Variants in TSHZ2 observed in about 807,000 individuals in gnomAD.
TSHZ2 encodes the protein teashirt zinc finger homeobox 2.
In TSHZ2, 21 loss-of-function variants were observed where a neutral mutation model predicts 74.4. The ratio of observed to expected loss-of-function variants is 0.28; its 90% CI spans 0.20 to 0.41. The LOEUF (loss-of-function observed/expected upper bound fraction) is 0.41. Ranked by LOEUF, TSHZ2 falls within the 10% of genes least tolerant of loss-of-function variation. The pLI is 1.00. For synonymous variants in TSHZ2, 540 were observed against 515.3 expected (o/e 1.05, Z -0.65); for missense variants, 1,244 against 1,293.5 (o/e 0.96, Z 0.59).
intron 2 of TSHZ2, among the ~76,000 whole-genome samples, chr20:53,426,919 C>T (rs1024452884): frequency 1.3e-5 from 2 of 152,162 alleles, no homozygotes; most frequent in South Asian, 2.1e-4. Context: ...TTTATAAGAG[C>T]CCTGTGATAC....
chr20:53,420,444 A>G (rs2145715180), intron 2 of TSHZ2, among the ~76,000 whole-genome samples: 1 of 152,320 alleles, frequency 6.6e-6, no homozygotes, highest in Admixed American at 6.5e-5. Flanking sequence ...ATTGAAAAAA[A>G]GTGGGCCAGG....
At chr20:53,174,384 G>T (rs1988274410) in intron 1 of TSHZ2, among the ~76,000 whole-genome samples, 3 of 152,134 alleles carry the variant, frequency 2.0e-5, no homozygotes, top group Admixed American at 2.0e-4. Context: ...TGAGACCTGG[G>T]GACTCAACCA....
At chr20:53,109,018 G>T (rs1397738618) in intron 1 of TSHZ2, among the ~76,000 whole-genome samples, 1 of 151,956 alleles carries the variant, frequency 6.6e-6, no homozygotes, top group African/African-American at 2.4e-5. Context: ...TTTTCAGCTG[G>T]AGGTATTCCA....
chr20:53,118,168 C>T (rs6126760), intron 1 of TSHZ2, among the ~76,000 whole-genome samples: 22,516 of 152,140 alleles, frequency 0.15, 3,702 homozygotes, highest in African/African-American at 0.41. Context: ...TGCTGGCTTA[C>T]GCTATATGGG....
At chr20:53,237,580 GAT>G (rs1989970772) in intron 1 of TSHZ2, among the ~76,000 whole-genome samples, 1 of 151,992 alleles carries the variant, frequency 6.6e-6, no homozygotes, top group South Asian at 2.1e-4. Flanking sequence ...GACAAAAAAA[GAT>G]AATGCTCCCA....
intron 2 of TSHZ2, among the ~76,000 whole-genome samples, chr20:53,370,106 C>T (rs1252393669): frequency 6.6e-6 from 1 of 152,102 alleles, no homozygotes; most frequent in African/African-American, 2.4e-5. Flanking sequence ...TGTGTCCCAG[C>T]CATCCTCTGT....
chr20:53,459,846 G>T (rs904673414), intron 2 of TSHZ2, among the ~76,000 whole-genome samples: 2 of 151,186 alleles, frequency 1.3e-5, no homozygotes, highest in Non-Finnish European at 2.9e-5. Context: ...TGAAATTCTG[G>T]GTTGAAAATT....
intron 1 of TSHZ2, among the ~76,000 whole-genome samples, chr20:53,032,433 C>T (rs1288260647): frequency 2.0e-5 from 3 of 152,138 alleles, no homozygotes; most frequent in South Asian, 4.1e-4. Context: ...CCGCAGGACC[C>T]GTCTGGTGGA....
At chr20:53,444,520 TG>T (rs1984475875) in intron 2 of TSHZ2, among the ~76,000 whole-genome samples, 1 of 152,088 alleles carries the variant, frequency 6.6e-6, no homozygotes, top group African/African-American at 2.4e-5. Context: ...CCCACACATG[TG>T]GGAGGGGAGC....
At chr20:53,169,191 G>A (rs1988131718) in intron 1 of TSHZ2, among the ~76,000 whole-genome samples, 1 of 152,098 alleles carries the variant, frequency 6.6e-6, no homozygotes, top group Admixed American at 6.5e-5. Context: ...CATTTTTACT[G>A]CCCTTCATTA....
At position 53,342,901 on chromosome 20, in the gene TSHZ2, G is replaced by A. The variant is rs555672985; in HGVS notation, c.*8+86330G>A. 1.2e-4 allele frequency among the ~76,000 whole-genome samples: 18 copies of A among 148,484 alleles called. No individual in the cohort carries two copies. The South Asian group carries it at 3.4e-3, about 28-fold the overall frequency. On this transcript the variant is annotated intron_variant, in intron 2 of 2. Coordinates refer to ENST00000371497, the MANE Select transcript of TSHZ2 (RefSeq NM_173485.6). ...GGATCTTGTTAAAAATGCAGGTTCCGTAGGTCTGGGATGAGGCCTAAGAAC... is the reference window on the plus strand; with the variant it reads ...GGATCTTGTTAAAAATGCAGGTTCCATAGGTCTGGGATGAGGCCTAAGAAC...
Position 53,089,320 on chromosome 20 carries a change from CTT to C in TSHZ2, c.40+116007_40+116008del, listed in dbSNP as rs5841928. ...GTGACAGGTACAGGAATGGGATTTTCTTTTTTTTTTTTTTTTTTTTTATTAAA... is the reference window on the plus strand; with the variant it reads ...GTGACAGGTACAGGAATGGGATTTTCTTTTTTTTTTTTTTTTTTTATTAAA... On this transcript the variant is annotated intron_variant, in intron 1 of 2. Coordinates refer to ENST00000371497, the MANE Select transcript of TSHZ2 (RefSeq NM_173485.6). Among the ~76,000 whole-genome samples the C allele has an allele frequency of 3.4e-3, 344 of 99,988 alleles. 1 individual carries two copies. The highest frequency in any genetic ancestry group is 0.011 in the African/African-American group (296 of 26,966). 65.6% of individuals were successfully genotyped at this position (99,988 alleles called of 152,430 possible).
intron 1 of TSHZ2, among the ~76,000 whole-genome samples, chr20:53,180,654 A>G (rs891470252): frequency 5.9e-5 from 9 of 152,190 alleles, no homozygotes; most frequent in Admixed American, 2.0e-4. Flanking sequence ...GCTGAAATGT[A>G]TTTGATTAGG....
chr20:53,033,691 G>C (rs1411856943), intron 1 of TSHZ2, among the ~76,000 whole-genome samples: 3 of 100,336 alleles, frequency 3.0e-5, no homozygotes, highest in African/African-American at 4.0e-5. Flanking sequence ...ACAGGGTCTT[G>C]CTGTGTCACC....
intron 1 of TSHZ2, among the ~76,000 whole-genome samples, chr20:53,169,901 T>G (rs1988154808): frequency 6.6e-6 from 1 of 152,258 alleles, no homozygotes; most frequent in Non-Finnish European, 1.5e-5. Context: ...GTATGTATAC[T>G]TATACATTCA....
At chr20:53,154,956 G>A (rs1036330130) in intron 1 of TSHZ2, among the ~76,000 whole-genome samples, 2 of 150,076 alleles carry the variant, frequency 1.3e-5, no homozygotes, top group African/African-American at 4.9e-5. Flanking sequence ...ATTACCTTCT[G>A]TATAAAAGAT....
chr20:53,264,844 T>G (rs1167571111), intron 2 of TSHZ2, among the ~76,000 whole-genome samples: 3 of 151,860 alleles, frequency 2.0e-5, no homozygotes, highest in Non-Finnish European at 4.4e-5. Context: ...AGACAAAAAG[T>G]GTCATAATGA....
intron 1 of TSHZ2, among the ~76,000 whole-genome samples, chr20:53,109,399 A>C (rs534595153): frequency 4.0e-5 from 6 of 151,786 alleles, no homozygotes; most frequent in East Asian, 1.9e-4. Flanking sequence ...AATCCACCCT[A>C]TCTCTCTCTT....
At chr20:53,042,018 CTCTCCTACATTGCAGCATAT>C (rs1477332710) in intron 1 of TSHZ2, among the ~76,000 whole-genome samples, 1 of 152,014 alleles carries the variant, frequency 6.6e-6, no homozygotes, top group African/African-American at 2.4e-5. Context: ...GGAAATAAGC[CTCTCCTACATTGCAGCATAT>C]TACCCAAATG....
Sources: allele counts gnomAD v4.1 joint callset (sites outside exome capture counted in the v4.1 genomes callset), GRCh38; gene constraint gnomAD v4.1.1; transcripts MANE v1.5; gene names NCBI Gene and HGNC (gene_info 2026-07-23, HGNC 2026-07-21).